LEKR1: variants seen among roughly 807,000 people sequenced by gnomAD.
LEKR1 encodes leucine, glutamate and lysine rich 1, also known as protein LEKR1.
In LEKR1, 59 loss-of-function variants were observed where a neutral mutation model predicts 72.4. That is an observed-to-expected ratio of 0.82 (90% CI 0.66 to 1.01). LEKR1 has a LOEUF of 1.01. LEKR1 is among the 50% of genes least tolerant of loss of function. The pLI, the probability that LEKR1 is intolerant of heterozygous loss-of-function variation, is 0.00. For synonymous variants in LEKR1, 257 were observed against 263.2 expected (o/e 0.98, Z 0.23); for missense variants, 728 against 759.2 (o/e 0.96, Z 0.48).
At chr3:156,871,006 G>A (rs138178001) in intron 3 of LEKR1, among the ~76,000 whole-genome samples, 150 of 151,940 alleles carry the variant, frequency 9.9e-4, no homozygotes, top group African/African-American at 3.5e-3. Flanking sequence ...TGCACAATGT[G>A]CAGGTTAGTT....
chr3:156,855,756 G>A (rs1306216024), intron 3 of LEKR1, among the ~76,000 whole-genome samples: 1 of 152,088 alleles, frequency 6.6e-6, no homozygotes. Context: ...TTGAAAGAAA[G>A]GAAAAACTCA....
chr3:156,988,764 T>C (rs1413753412), intron 7 of LEKR1: 1 of 171,972 alleles, frequency 5.8e-6, no homozygotes, highest in African/African-American at 2.4e-5. Context: ...GGGAGGGAAC[T>C]CTAGTCCATT....
chr3:157,012,016 A>G (rs926387193), intron 10 of LEKR1, among the ~76,000 whole-genome samples: 2 of 152,122 alleles, frequency 1.3e-5, no homozygotes, highest in Non-Finnish European at 2.9e-5. Context: ...AAAAAATTGC[A>G]TTGGTTTTGG....
chr3:156,838,737 A>G (rs1387454314), intron 2 of LEKR1, among the ~76,000 whole-genome samples: 1 of 152,208 alleles, frequency 6.6e-6, no homozygotes, highest in East Asian at 1.9e-4. Flanking sequence ...TTCCAGAGAA[A>G]TAAGCAGCTG....
At chr3:156,909,915 A>G in intron 3 of LEKR1, among the ~76,000 whole-genome samples, 1 of 152,110 alleles carries the variant, frequency 6.6e-6, no homozygotes, top group South Asian at 2.1e-4. Context: ...TATATATGTT[A>G]TCATTTTAAA....
At chr3:156,859,444 CTTTATTT>C (rs1716496327) in intron 3 of LEKR1, among the ~76,000 whole-genome samples, 1 of 152,042 alleles carries the variant, frequency 6.6e-6, no homozygotes, top group Non-Finnish European at 1.5e-5. Flanking sequence ...AATTAATAAA[CTTTATTT>C]TTTAGAGCAG....
intron 2 of LEKR1, among the ~76,000 whole-genome samples, chr3:156,833,813 G>A (rs926608408): frequency 6.6e-6 from 1 of 151,846 alleles, no homozygotes; most frequent in African/African-American, 2.4e-5. Context: ...TTTAGCAGAA[G>A]TGATAACTCA....
chr3:157,037,491 A>G lies in LEKR1; in HGVS notation c.1669-7849A>G, dbSNP rs77352763. ...ACAAAAGCAACAGAATATAAACCTT[A>G]ATGAGATTTTCTTTTCAGATTATGA... is the stretch of plus-strand genomic sequence containing the variant. On this transcript the variant is annotated intron_variant, in intron 12 of 12. Coordinates refer to ENST00000356539, the MANE Select transcript of LEKR1 (RefSeq NM_001004316.3). Among the ~76,000 whole-genome samples, 71 of 152,306 alleles carry G rather than the reference A, an allele frequency of 4.7e-4. 1 individual carries two copies. The East Asian group carries it at 0.013, about 28-fold the overall frequency.
intron 3 of LEKR1, among the ~76,000 whole-genome samples, chr3:156,864,474 T>A (rs942280797): frequency 7.9e-5 from 12 of 152,036 alleles, no homozygotes; most frequent in African/African-American, 2.9e-4. Flanking sequence ...GGACTCCAAA[T>A]AAACAAATGA....
At chr3:157,011,538 A>G in intron 10 of LEKR1, 32 bp downstream of exon 10, 9 of 1,442,832 alleles carry the variant, frequency 6.2e-6, no homozygotes, top group East Asian at 4.5e-5. Flanking sequence ...TCAGCATGCA[A>G]CCTATTTGCA....
chr3:156,861,895 G>A (rs923185242), intron 3 of LEKR1, among the ~76,000 whole-genome samples: 7 of 151,944 alleles, frequency 4.6e-5, no homozygotes, highest in African/African-American at 1.7e-4. Flanking sequence ...ACTAGATTGT[G>A]CTCCAGACCA....
chr3:157,013,679 A>G (rs945421019), intron 10 of LEKR1, among the ~76,000 whole-genome samples: 1 of 152,112 alleles, frequency 6.6e-6, no homozygotes. Flanking sequence ...CAGAAAAGCA[A>G]AGGACTAATA....
intron 12 of LEKR1, among the ~76,000 whole-genome samples, chr3:157,042,899 T>G (rs1735459583): frequency 6.6e-6 from 1 of 152,232 alleles, no homozygotes. Flanking sequence ...TGATATGGTT[T>G]GGATCTGTGT....
intron 9 of LEKR1, among the ~76,000 whole-genome samples, chr3:157,007,634 C>A (rs1732564792): frequency 1.3e-5 from 2 of 152,146 alleles, no homozygotes; most frequent in African/African-American, 2.4e-5. Flanking sequence ...GTGATATATA[C>A]CAATTCTAAG....
chr3:156,868,754 C>T (rs1717591060), intron 3 of LEKR1, among the ~76,000 whole-genome samples: 1 of 151,934 alleles, frequency 6.6e-6, no homozygotes, highest in African/African-American at 2.4e-5. Flanking sequence ...TAACTAGAGT[C>T]ACCTAACTCT....
intron 12 of LEKR1, among the ~76,000 whole-genome samples, chr3:157,037,860 G>A (rs1735075082): frequency 1.3e-5 from 2 of 152,110 alleles, no homozygotes. Flanking sequence ...GAACACTCCA[G>A]GCAAAGGTAA....
chr3:156,971,353 A>T (rs1729170381), intron 6 of LEKR1, among the ~76,000 whole-genome samples: 2 of 152,250 alleles, frequency 1.3e-5, no homozygotes, highest in African/African-American at 4.8e-5. Flanking sequence ...GATGGATTAA[A>T]GACTTAAATG....
intron 2 of LEKR1, among the ~76,000 whole-genome samples, chr3:156,832,346 G>A (rs1346981438): frequency 6.6e-6 from 1 of 152,166 alleles, no homozygotes; most frequent in South Asian, 2.1e-4. Context: ...AAACATAGTG[G>A]ATAAGGCTGG....
At chr3:156,888,317 T>G (rs1469094473) in intron 3 of LEKR1, 1 of 702,202 alleles carries the variant, frequency 1.4e-6, no homozygotes, top group Non-Finnish European at 2.6e-6. Context: ...TTCAGACTCA[T>G]GCTTAGACTG....
Sources: gnomAD v4.1 joint callset for allele counts (sites outside exome capture counted in the v4.1 genomes callset) on GRCh38, gnomAD v4.1.1 for gene constraint, MANE v1.5 for transcripts, NCBI Gene and HGNC (gene_info 2026-07-23, HGNC 2026-07-21) for gene names.